BCOR: variants seen among roughly 807,000 people sequenced by gnomAD.
BCOR encodes the protein BCL6 corepressor.
A neutral mutation model predicts 86.7 loss-of-function variants in BCOR; 10 were observed. That is an observed-to-expected ratio of 0.12 (90% CI 0.07 to 0.20). The LOEUF is 0.20. BCOR is among the 10% of genes least tolerant of loss of function. The pLI, the probability that BCOR is intolerant of heterozygous loss-of-function variation, is 1.00. For missense variants in BCOR, 1,259 were observed against 1,452.1 expected, an observed-to-expected ratio of 0.87 and a Z score of 2.16; for synonymous variants, 611 against 609.0, an observed-to-expected ratio of 1.00 and a Z score of -0.05.
intron 1 of BCOR, among the ~76,000 whole-genome samples, chrX:40,142,932 G>T (rs1261366718): frequency 9.0e-6 from 1 of 111,381 alleles, no homozygotes; most frequent in Non-Finnish European, 1.9e-5. Flanking sequence ...CGTATATTTA[G>T]TGCACGTTGC....
At chrX:40,052,935 T>A (rs757912212) in intron 14 of BCOR, among the ~76,000 whole-genome samples, 1 of 111,728 alleles carries the variant, frequency 9.0e-6, no homozygotes, top group East Asian at 2.8e-4. Flanking sequence ...CATCTGTCCA[T>A]CTAGGGAGGA....
intron 1 of BCOR, among the ~76,000 whole-genome samples, chrX:40,129,207 C>T (rs188787351): frequency 1.8e-5 from 2 of 111,721 alleles, no homozygotes; most frequent in South Asian, 3.7e-4. Flanking sequence ...AAAAGTTAGC[C>T]GGGCATGGTG....
intron 3 of BCOR, among the ~76,000 whole-genome samples, chrX:40,075,600 T>C (rs945024618): frequency 2.0e-4 from 22 of 109,693 alleles, no homozygotes; most frequent in Admixed American, 1.8e-3. Flanking sequence ...TCTACTAAAA[T>C]ACAAAAAAAT....
chrX:40,067,482 G>A (rs999167797), intron 6 of BCOR, among the ~76,000 whole-genome samples: 7 of 111,986 alleles, frequency 6.3e-5, no homozygotes, highest in African/African-American at 9.8e-5. Context: ...CCGTTCAGCC[G>A]GACAGGGCCC....
At chrX:40,103,170 G>A (rs768370503) in intron 1 of BCOR, among the ~76,000 whole-genome samples, 76 of 111,066 alleles carry the variant, frequency 6.8e-4, no homozygotes, top group Admixed American at 6.0e-3. Context: ...GGAGGGAGGA[G>A]GCTAATGCAT....
rs2147040068 is a variant in BCOR, at chrX:40,063,104, G to A, written c.3848-33C>T. The A allele has an allele frequency of 5.9e-6, 6 of 1,012,532 alleles. 1 individual carries two copies. Among genetic ancestry groups the A allele is most frequent in the Non-Finnish European group, 8.0e-6 (6 of 747,260 alleles). 83.4% of individuals were successfully genotyped at this position (1,012,532 alleles called of 1,213,427 possible). A position where few individuals can be genotyped will look rare whatever the true frequency, so the allele number is the denominator to read the frequency against. ...CGGAGGGGGTGACGGGGTGGCGGGC[G>A]GATGGGAGACGGGAGAAGAAGCGGG... On this transcript the variant is annotated intron_variant, in intron 8 of 14. Transcript: ENST00000378444.
intron 6 of BCOR, among the ~76,000 whole-genome samples, chrX:40,069,433 C>T (rs1182352864): frequency 6.2e-5 from 7 of 112,045 alleles, no homozygotes; most frequent in Middle Eastern, 9.2e-3. Context: ...TCATGTGGGG[C>T]TTGGGCCCTG....
intron 1 of BCOR, among the ~76,000 whole-genome samples, chrX:40,085,085 A>T (rs773662510): frequency 2.7e-4 from 30 of 112,957 alleles, no homozygotes; most frequent in African/African-American, 9.0e-4. Flanking sequence ...GATCCATGGG[A>T]CTAGACACGA....
intron 1 of BCOR, among the ~76,000 whole-genome samples, chrX:40,110,528 C>G (rs1275765155): frequency 9.2e-6 from 1 of 109,252 alleles, no homozygotes; most frequent in Non-Finnish European, 1.9e-5. Flanking sequence ...AGCTTCCTGT[C>G]TTATCAGGAA....
At chrX:40,105,218 G>A (rs1602224685) in intron 1 of BCOR, among the ~76,000 whole-genome samples, 1 of 110,994 alleles carries the variant, frequency 9.0e-6, no homozygotes, top group Non-Finnish European at 1.9e-5. Flanking sequence ...CCACCCTGCG[G>A]CCCCCATCCC....
intron 1 of BCOR, among the ~76,000 whole-genome samples, chrX:40,173,907 G>A (rs1938685623): frequency 8.8e-6 from 1 of 113,101 alleles, no homozygotes; most frequent in African/African-American, 3.2e-5. Context: ...CTGGGCCGCT[G>A]GCGGGCCACA....
At chrX:40,158,262 G>C (rs894241190) in intron 1 of BCOR, among the ~76,000 whole-genome samples, 12 of 112,611 alleles carry the variant, frequency 1.1e-4, no homozygotes. Flanking sequence ...CCCTGGGACA[G>C]CGCGCGCCCC....
intron 1 of BCOR, among the ~76,000 whole-genome samples, chrX:40,126,408 C>G (rs1937542914): frequency 9.2e-6 from 1 of 108,222 alleles, no homozygotes; most frequent in African/African-American, 3.4e-5. Context: ...GCCTGTAATC[C>G]CAGCTACTTG....
chrX:40,170,302 G>C (rs1448332950), intron 1 of BCOR, among the ~76,000 whole-genome samples: 2 of 111,129 alleles, frequency 1.8e-5, no homozygotes, highest in African/African-American at 6.5e-5. Context: ...AGGGGATATA[G>C]CCAGGAAGCT....
At chrX:40,135,500 G>A (rs907675809) in intron 1 of BCOR, among the ~76,000 whole-genome samples, 6 of 109,332 alleles carry the variant, frequency 5.5e-5, no homozygotes, top group African/African-American at 2.0e-4. Flanking sequence ...AGTGATTCTC[G>A]TACCTCAGCC....
At chrX:40,170,808 T>G (rs943059304) in intron 1 of BCOR, among the ~76,000 whole-genome samples, 2 of 112,529 alleles carry the variant, frequency 1.8e-5, no homozygotes, top group Non-Finnish European at 3.8e-5. Flanking sequence ...AGGTTGCTTT[T>G]GGGTTCCCTT....
chrX:40,108,834 C>T (rs1192621910), intron 1 of BCOR, among the ~76,000 whole-genome samples: 1 of 113,417 alleles, frequency 8.8e-6, no homozygotes, highest in Admixed American at 9.2e-5. Context: ...CCTCAGCCCA[C>T]GGTGGAGCCG....
intron 1 of BCOR, among the ~76,000 whole-genome samples, chrX:40,126,625 T>G (rs1473463702): frequency 1.8e-5 from 2 of 109,903 alleles, no homozygotes; most frequent in Admixed American, 9.7e-5. Context: ...GAGGCCAAGG[T>G]GGGCAGATGG....
chrX:40,098,801 C>T (rs1297950744), upstream of BCOR, among the ~76,000 whole-genome samples: 1 of 112,085 alleles, frequency 8.9e-6, no homozygotes, highest in Non-Finnish European at 1.9e-5. Flanking sequence ...GGCCGTTCCG[C>T]CTGAACTCCG....
Sources: gnomAD v4.1 joint callset for allele counts (sites outside exome capture counted in the v4.1 genomes callset) on GRCh38, gnomAD v4.1.1 for gene constraint, MANE v1.5 for transcripts, NCBI Gene and HGNC (gene_info 2026-07-23, HGNC 2026-07-21) for gene names.